The following SLC25A25 variants were observed in gnomAD, a reference collection of about 807,000 sequenced individuals.
SLC25A25 encodes the protein mitochondrial adenyl nucleotide antiporter SLC25A25.
SLC25A25 carries 32 observed loss-of-function variants against 57.7 expected under a neutral mutation model. That is an observed-to-expected ratio of 0.55 (90% CI 0.42 to 0.74). The LOEUF (loss-of-function observed/expected upper bound fraction) is 0.74. SLC25A25 is among the 30% of genes least tolerant of loss of function. The pLI is 0.00. For synonymous variants in SLC25A25, 306 were observed against 291.2 expected (o/e 1.05, Z -0.52); for missense variants, 556 against 701.3 (o/e 0.79, Z 2.34).
In SLC25A25 at chr9:128,082,952, G is replaced by A. The variant is rs138736882; in HGVS notation, c.261+14372G>A. Among the ~76,000 whole-genome samples, 315 of 152,156 alleles carry A rather than the reference G, an allele frequency of 2.1e-3. 6 individuals are homozygous for A. The East Asian group carries it at 0.031, about 15-fold the overall frequency. ...GCTTTACATGTTTTTGTTTGAGGCC[G>A]GGCGCAGTGGCTCAGCCTGTAATCC... On this transcript the variant is annotated intron_variant, in intron 1 of 10. Transcript: ENST00000373069.
chr9:128,106,117 T>C, intron 7 of SLC25A25, 33 bp from the exon 8 acceptor site: 1 of 1,612,766 alleles, frequency 6.2e-7, no homozygotes, highest in Non-Finnish European at 8.5e-7. Flanking sequence ...AACCTCTGGG[T>C]ATATCAGGTG....
Position 128,107,478 on chromosome 9 carries a change from A to G in SLC25A25, c.*34A>G. On this transcript the variant is annotated 3_prime_UTR_variant, in exon 11 of 11. Transcript: ENST00000373069. ...GGGCCGCCCGGCAGTGGACTCGCTG[A>G]TCCTGGGCCGCAGCCTGGGGTGTGC... The G allele has an allele frequency of 6.7e-7, 1 of 1,502,798 alleles. No homozygotes were observed. Among genetic ancestry groups the G allele is most frequent in the Admixed American group, 2.3e-5 (1 of 42,804 alleles). The allele number at this position is 1,502,798 out of a possible 1,614,324, so 93.1% of individuals were successfully genotyped here.
intron 9 of SLC25A25, 33 bp downstream of exon 9, chr9:128,106,553 C>T (rs1474146975): frequency 6.5e-7 from 1 of 1,542,710 alleles, no homozygotes; most frequent in African/African-American, 1.4e-5. Flanking sequence ...TTAGAAACCT[C>T]CTCCCAGCAC....
chr9:128,094,158 A>G (rs1218420509), intron 1 of SLC25A25, among the ~76,000 whole-genome samples: 1 of 152,202 alleles, frequency 6.6e-6, no homozygotes, highest in African/African-American at 2.4e-5. Context: ...AAAGAAAAAA[A>G]GAAAAGTTCA....
chr9:128,087,858 A>G (rs1419432157), intron 1 of SLC25A25, among the ~76,000 whole-genome samples: 1 of 152,152 alleles, frequency 6.6e-6, no homozygotes, highest in East Asian at 1.9e-4. Context: ...GTTTTTACCT[A>G]GAGTTTGAGG....
chr9:128,106,132 G>A lies in SLC25A25; in HGVS notation c.937-18G>A. On this transcript the variant is annotated intron_variant, in intron 7 of 10. Coordinates refer to ENST00000373069, the MANE Select transcript of SLC25A25 (RefSeq NM_001330988.2). The stretch of plus-strand genomic sequence containing the variant: ...AACCTCTGGGTATATCAGGTGGTTT[G>A]TTTGTTCCTGGTTCTAGATCAAGCG... 6.2e-7 allele frequency: 1 copy of A among 1,614,176 alleles called. No homozygotes were observed. The highest frequency in any genetic ancestry group is 8.5e-7 in the Non-Finnish European group (1 of 1,179,994).
In SLC25A25 at chr9:128,070,162, C is replaced by G. The variant is rs185681727; in HGVS notation, c.261+1582C>G. ...CTCGAGTGCAGTGGTGCGATCTTGG[C>G]TCACTGCAAGCTCCGCCTCCGGGGT... On this transcript the variant is annotated intron_variant, in intron 1 of 10. Coordinates refer to ENST00000373069, the MANE Select transcript of SLC25A25 (RefSeq NM_001330988.2). Among the ~76,000 whole-genome samples, 1,167 of 130,962 alleles carry G rather than the reference C, an allele frequency of 8.9e-3. 8 individuals are homozygous for G. Among genetic ancestry groups the G allele is most frequent in the African/African-American group, 0.031 (1,116 of 35,976 alleles). 85.9% of individuals were successfully genotyped at this position (130,962 alleles called of 152,430 possible). A position where few individuals can be genotyped will look rare whatever the true frequency, so the allele number is the denominator to read the frequency against.
rs1281181880 is a variant in SLC25A25 at position 128,107,952 on chromosome 9, G to A, written c.*508G>A. On this transcript the variant is annotated 3_prime_UTR_variant, in exon 11 of 11. Transcript: ENST00000373069. Reference sequence around the variant, plus strand: ...AATCCATGATGAAAGGTGAGGTCACGTGGCCTCCCAGGCCTGACTTCCCAA... The same window carrying A: ...AATCCATGATGAAAGGTGAGGTCACATGGCCTCCCAGGCCTGACTTCCCAA... 2.0e-5 allele frequency: 8 copies of A among 399,006 alleles called. No homozygotes were observed. Among genetic ancestry groups the A allele is most frequent in the South Asian group, 1.3e-4 (1 of 7,870 alleles). 24.7% of individuals were successfully genotyped at this position (399,006 alleles called of 1,614,324 possible). A position where few individuals can be genotyped will look rare whatever the true frequency, so the allele number is the denominator to read the frequency against.
chr9:128,098,587 T>C (rs947624), intron 1 of SLC25A25: 1,600,154 of 1,614,010 alleles, frequency 0.99, 794,186 homozygotes, highest in East Asian at 1. Flanking sequence ...TGTGCCTGTA[T>C]GTGCCGGTCA....
At position 128,101,066 on chromosome 9, in the gene SLC25A25, A is replaced by G; in HGVS notation, c.262-30A>G. 6.2e-7 allele frequency: 1 copy of G among 1,613,512 alleles called. No individual in the cohort carries two copies. The highest frequency in any genetic ancestry group is 1.3e-5 in the African/African-American group (1 of 74,988). The stretch of plus-strand genomic sequence containing the variant: ...ACAAGGAAAGGCTGGTCCAGGAGCC[A>G]AAAGACAAAATGTTACCTTTCTTTT... On this transcript the variant is annotated intron_variant, in intron 1 of 10. Coordinates refer to ENST00000373069, the MANE Select transcript of SLC25A25 (RefSeq NM_001330988.2). This position sits in a 1 kb window ranked among gnomAD's most constrained non-coding sequence, Gnocchi z 4.9.
In SLC25A25 at chr9:128,102,219, G is replaced by A; in HGVS notation, c.512+104G>A. ...TTGCCATTGTTGTGCTAAGTGGGGT[G>A]TGGAGCCCCCTGCTCTTTCTCCTGG... is the stretch of plus-strand genomic sequence containing the variant. On this transcript the variant is annotated intron_variant, in intron 4 of 10. Transcript: ENST00000373069. This position sits in a 1 kb window ranked among gnomAD's most constrained non-coding sequence, Gnocchi z 4.1. 1 of 1,458,634 alleles carries A rather than the reference G, an allele frequency of 6.9e-7. No individual in the cohort carries two copies. 90.4% of individuals were successfully genotyped at this position (1,458,634 alleles called of 1,614,324 possible).
chr9:128,096,571 T>C (rs751841763), intron 1 of SLC25A25, among the ~76,000 whole-genome samples: 1 of 152,246 alleles, frequency 6.6e-6, no homozygotes, highest in Non-Finnish European at 1.5e-5. Context: ...CTGACAACTC[T>C]ATTTGCAGAT....
chr9:128,097,239 T>C (rs1833587154), intron 1 of SLC25A25, among the ~76,000 whole-genome samples: 1 of 152,160 alleles, frequency 6.6e-6, no homozygotes, highest in South Asian at 2.1e-4. Context: ...GGTCTCTTCC[T>C]CCGCAGCACG....
At position 128,105,640 on chromosome 9, in the gene SLC25A25, C is replaced by T. The variant is rs1833993999; in HGVS notation, c.784-89C>T. 18 of 1,597,684 alleles carry T rather than the reference C, an allele frequency of 1.1e-5. No individual in the cohort carries two copies. In the South Asian group the frequency reaches 1.4e-4, roughly 13 times the overall value. ...CGGAAGAAAGGGCCTTCCCTTTGGC[C>T]GCAGCCGGTTGGCCAGCAGAGGCTC... On this transcript the variant is annotated intron_variant, in intron 6 of 10. Transcript: ENST00000373069.
chr9:128,091,847 C>A, intron 1 of SLC25A25: 1 of 1,589,502 alleles, frequency 6.3e-7, no homozygotes, highest in Non-Finnish European at 8.6e-7. Context: ...CAGTCGCCAT[C>A]AGAGGCGTTT....
In SLC25A25 at chr9:128,068,554, C is replaced by A. The variant is rs1422092777; in HGVS notation, c.235C>A (p.Leu79Met). Reference protein sequence around the residue: ...DLAVGLRRLGLHRTEGELQKI... With the variant: ...DLAVGLRRLGMHRTEGELQKI... ...GGCGGTGGGGCTGCGGCGCCTGGGA[C>A]TGCACCGCACCGAGGGCGAGCTCCA... The change falls in exon 1 of 11, where the codon CTG becomes ATG. Residue 79 changes from leucine (L) to methionine (M), a missense_variant. Transcript: ENST00000373069. 7.0e-7 allele frequency: 1 copy of A among 1,433,422 alleles called. No homozygotes were observed. 88.8% of individuals were successfully genotyped at this position (1,433,422 alleles called of 1,614,324 possible).
chr9:128,083,926 T>TA (rs1299225539), intron 1 of SLC25A25, among the ~76,000 whole-genome samples: 4 of 152,176 alleles, frequency 2.6e-5, no homozygotes. Context: ...TCTGCGTTGT[T>TA]CTTCTAAGAC....
intron 6 of SLC25A25, among the ~76,000 whole-genome samples, chr9:128,104,485 G>A (rs116975394): frequency 0.03 from 4,590 of 152,292 alleles, 78 homozygotes; most frequent in Non-Finnish European, 0.044. Context: ...GAATGCCTCG[G>A]GCTTGGACTC....
chr9:128,108,035 G>C lies in SLC25A25; in HGVS notation c.*591G>C, dbSNP rs1014378934. 7 of 398,820 alleles carry C rather than the reference G, an allele frequency of 1.8e-5. No homozygotes were observed. The highest frequency in any genetic ancestry group is 3.1e-5 in the Non-Finnish European group (7 of 226,230). The allele number at this position is 398,820 out of a possible 1,614,324, so 24.7% of individuals were successfully genotyped here. A position where few individuals can be genotyped will look rare whatever the true frequency, so the allele number is the denominator to read the frequency against. ...GAAGAGGAAAGGATCTGGCCTTGTG[G>C]TCACTGGCATCTGAGCCCTGCTGAT... On this transcript the variant is annotated 3_prime_UTR_variant, in exon 11 of 11. Transcript: ENST00000373069.
Sources: allele counts gnomAD v4.1 joint callset (sites outside exome capture counted in the v4.1 genomes callset), GRCh38; gene constraint gnomAD v4.1.1; non-coding constraint Gnocchi (gnomAD v3.1); transcripts MANE v1.5; gene names NCBI Gene and HGNC (gene_info 2026-07-23, HGNC 2026-07-21).